SLC27A1: variants seen among roughly 807,000 people sequenced by gnomAD.
SLC27A1 encodes solute carrier family 27 member 1.
In SLC27A1, 61 loss-of-function variants were observed where a neutral mutation model predicts 62.2. That is an observed-to-expected ratio of 0.98 (90% CI 0.80 to 1.21). The LOEUF (loss-of-function observed/expected upper bound fraction) is 1.21, where lower values mean the gene tolerates loss of function less well. SLC27A1 is among the 50% of genes most tolerant of loss of function. The pLI is 0.00. For missense variants in SLC27A1, 903 were observed against 932.1 expected (o/e 0.97, Z 0.41); for synonymous variants, 435 against 408.6 (o/e 1.06, Z -0.78).
Position 17,500,716 on chromosome 19 carries a change from C to T in SLC27A1, c.1476C>T (p.Asp492=), listed in dbSNP as rs758542995. ...TGCCCCTCTCCCCTCTGCCAGGTGA[C>T]GTGCTAGTGATGGATGAGCTGGGCT... ...SKGDSAYLSG[D]VLVMDELGYM... is the part of the protein sequence containing the mutation. The change falls in exon 10 of 12, where the codon GAC becomes GAT. Residue 492 remains aspartate (D), a synonymous_variant. Transcript: ENST00000252595. 6.8e-6 allele frequency: 11 copies of T among 1,614,122 alleles called. No homozygotes were observed. Among genetic ancestry groups the T allele is most frequent in the Middle Eastern group, 3.3e-4 (2 of 6,058 alleles).
chr19:17,480,541 C>CATTT (rs752918263), intron 1 of SLC27A1, among the ~76,000 whole-genome samples: 4 of 111,776 alleles, frequency 3.6e-5, no homozygotes, highest in Non-Finnish European at 6.9e-5. Flanking sequence ...TAATTTTTTT[C>CATTT]TTTTTTTTTT....
chr19:17,486,715 C>G lies in SLC27A1; in HGVS notation c.320C>G (p.Ala107Gly), dbSNP rs1424598668. 6.2e-7 allele frequency: 1 copy of G among 1,612,116 alleles called. No individual in the cohort carries two copies. Among genetic ancestry groups the G allele is most frequent in the Admixed American group, 1.7e-5 (1 of 59,986 alleles). Residue 107 changes from alanine to glycine, a missense_variant, in exon 2 of 12, where the codon GCG becomes GGG. Transcript: ENST00000252595. This position sits in a 1 kb window ranked among gnomAD's most constrained non-coding sequence, Gnocchi z 6.6. ...DAGTGECWTF[A>G]QLDAYSNAVA... is the part of the protein sequence containing the mutation. ...GGGACCGGCGAGTGCTGGACCTTTG[C>G]GCAGCTGGACGCCTACTCCAATGCG...
At chr19:17,472,144 C>G (rs1404893134) in intron 1 of SLC27A1, among the ~76,000 whole-genome samples, 4 of 152,156 alleles carry the variant, frequency 2.6e-5, no homozygotes, top group Admixed American at 2.6e-4. Context: ...CCTGTAATCC[C>G]AGCACTTTGG....
intron 1 of SLC27A1, among the ~76,000 whole-genome samples, chr19:17,473,153 G>A (rs1422751458): frequency 6.6e-6 from 1 of 151,852 alleles, no homozygotes; most frequent in Non-Finnish European, 1.5e-5. Flanking sequence ...GGCTAGTCTC[G>A]AACTCCTGGC....
chr19:17,471,758 C>T (rs1219229685), intron 1 of SLC27A1, among the ~76,000 whole-genome samples: 2 of 152,142 alleles, frequency 1.3e-5, no homozygotes, highest in African/African-American at 2.4e-5. Flanking sequence ...TAAAACTCAC[C>T]CCTTCTGCAT....
rs1262628135 is a variant in SLC27A1, at chr19:17,486,913, C to A, written c.518C>A (p.Thr173Asn). The A allele has an allele frequency of 1.3e-6, 2 of 1,592,274 alleles. No individual in the cohort carries two copies. Among genetic ancestry groups the A allele is most frequent in the African/African-American group, 1.3e-5 (1 of 74,884 alleles). The change falls in exon 2 of 12, where the codon ACC becomes AAC. Residue 173 changes from threonine to asparagine, a missense_variant. Coordinates refer to ENST00000252595, the MANE Select transcript of SLC27A1 (RefSeq NM_198580.3). This position sits in a 1 kb window ranked among gnomAD's most constrained non-coding sequence, Gnocchi z 6.6. Reference sequence around the variant, plus strand: ...GAGCCCCTGGCCTTCTGCCTGGGCACCTCGGGCGCTAAGGCCCTGATCTTT... The same window carrying A: ...GAGCCCCTGGCCTTCTGCCTGGGCAACTCGGGCGCTAAGGCCCTGATCTTT... ...RREPLAFCLG[T>N]SGAKALIFGG...
rs1280337996 is a variant in SLC27A1, at chr19:17,500,862, G to T, written c.1622G>T (p.Gly541Val). 1 of 1,608,194 alleles carries T rather than the reference G, an allele frequency of 6.2e-7. No homozygotes were observed. The highest frequency in any genetic ancestry group is 2.2e-5 in the East Asian group (1 of 44,826). Residue 541 changes from glycine (G) to valine (V), a missense_variant, in exon 10 of 12, where the codon GGG becomes GTG. By Grantham distance (109) the Gly-to-Val change is moderately radical. Coordinates refer to ENST00000252595, the MANE Select transcript of SLC27A1 (RefSeq NM_198580.3). Reference protein sequence around the residue: ...LLGQTDVAVYGVAVPGVEGKA... With the variant: ...LLGQTDVAVYVVAVPGVEGKA... ...GGCCAGACAGACGTGGCCGTCTATG[G>T]GGTGGCTGTTCCAGGCAAGCTGGGG...
chr19:17,479,832 C>T (rs997437298), intron 1 of SLC27A1, among the ~76,000 whole-genome samples: 4 of 152,028 alleles, frequency 2.6e-5, no homozygotes, highest in East Asian at 1.9e-4. Flanking sequence ...TTAGTAGAGA[C>T]GGAGTTTTGC....
intron 1 of SLC27A1, among the ~76,000 whole-genome samples, chr19:17,478,872 C>CA (rs2075149372): frequency 6.6e-6 from 1 of 151,506 alleles, no homozygotes; most frequent in South Asian, 2.1e-4. Context: ...GACCCTGTCT[C>CA]AAAAAAAAGA....
chr19:17,474,627 C>CTTTT (rs780611616), intron 1 of SLC27A1, among the ~76,000 whole-genome samples: 10 of 131,414 alleles, frequency 7.6e-5, no homozygotes, highest in East Asian at 2.2e-4. Context: ...TGACCCCTTT[C>CTTTT]TTTTTTTTTT....
At chr19:17,484,734 G>A (rs1259880667) in intron 1 of SLC27A1, among the ~76,000 whole-genome samples, 6 of 152,170 alleles carry the variant, frequency 3.9e-5, no homozygotes, top group Admixed American at 3.9e-4. Context: ...GGGAAAGAAC[G>A]AAGAAGAGCA....
At chr19:17,475,702 C>T (rs2075115715) in intron 1 of SLC27A1, among the ~76,000 whole-genome samples, 1 of 152,176 alleles carries the variant, frequency 6.6e-6, no homozygotes, top group Non-Finnish European at 1.5e-5. Context: ...TAAATTTAGA[C>T]CTTGGCTTCA....
chr19:17,470,890 G>A (rs1316831508), intron 1 of SLC27A1, among the ~76,000 whole-genome samples, 183 bp downstream of exon 1: 1 of 151,210 alleles, frequency 6.6e-6, no homozygotes, highest in African/African-American at 2.4e-5. Flanking sequence ...TGACCAGTTG[G>A]GGGTCTCTGA....
At chr19:17,492,247 T>G (rs2075301226) in intron 6 of SLC27A1, 1 of 152,220 alleles carries the variant, frequency 6.6e-6, no homozygotes, top group Non-Finnish European at 1.5e-5. Context: ...TCAACTTTTT[T>G]GGCAAAGATT....
At chr19:17,475,041 A>C (rs941761331) in intron 1 of SLC27A1, among the ~76,000 whole-genome samples, 1 of 151,498 alleles carries the variant, frequency 6.6e-6, no homozygotes, top group African/African-American at 2.4e-5. Flanking sequence ...CAGCCTCCCG[A>C]GTAGCTGGGA....
Position 17,504,779 on chromosome 19 carries a change from T to C in SLC27A1, c.*167T>C. The C allele has an allele frequency of 1.1e-6, 1 of 874,924 alleles. No homozygotes were observed. Among genetic ancestry groups the C allele is most frequent in the South Asian group, 1.4e-5 (1 of 70,356 alleles). 54.2% of individuals were successfully genotyped at this position (874,924 alleles called of 1,614,324 possible). The stretch of plus-strand genomic sequence containing the variant: ...CTGGAACCTCAGAGGAACCCGTGCC[T>C]CTCTGCTGCCTTGGTGCCCCTGTGT... On this transcript the variant is annotated 3_prime_UTR_variant, in exon 12 of 12. Coordinates refer to ENST00000252595, the MANE Select transcript of SLC27A1 (RefSeq NM_198580.3).
intron 6 of SLC27A1, among the ~76,000 whole-genome samples, chr19:17,493,427 C>CAAAAAAAA (rs769247313): frequency 4.2e-5 from 3 of 72,002 alleles, no homozygotes; most frequent in African/African-American, 6.4e-5. Flanking sequence ...AACTCCATCT[C>CAAAAAAAA]AAAAAAAAAA....
chr19:17,488,219 C>T (rs1455422950), intron 4 of SLC27A1, among the ~76,000 whole-genome samples: 4 of 152,136 alleles, frequency 2.6e-5, no homozygotes, highest in Non-Finnish European at 5.9e-5. Flanking sequence ...ATTAGCTGGG[C>T]GTGGTGGCAC....
chr19:17,482,461 G>T (rs2075187954), intron 1 of SLC27A1, among the ~76,000 whole-genome samples: 1 of 151,978 alleles, frequency 6.6e-6, no homozygotes, highest in African/African-American at 2.4e-5. Flanking sequence ...GACCATTCTG[G>T]CTAACATGGT....
Sources: allele counts gnomAD v4.1 joint callset (sites outside exome capture counted in the v4.1 genomes callset), GRCh38; gene constraint gnomAD v4.1.1; non-coding constraint Gnocchi (gnomAD v3.1); transcripts MANE v1.5; gene names NCBI Gene and HGNC (gene_info 2026-07-23, HGNC 2026-07-21).